The following UNC13C variants were observed in gnomAD, a reference collection of about 807,000 sequenced individuals.
UNC13C encodes unc-13 homolog C.
Under a neutral mutation model 245.4 loss-of-function variants are expected in UNC13C, and 174 were observed. That is an observed-to-expected ratio of 0.71 (90% confidence interval 0.63 to 0.80). The LOEUF is 0.80. Among genes scored for constraint, UNC13C ranks in the 30% least tolerant of loss-of-function variants. The pLI is 0.00. For synonymous variants in UNC13C, 992 were observed against 895.1 expected (o/e 1.11, Z -1.93); for missense variants, 2,829 against 2,602.9 (o/e 1.09, Z -1.89).
At chr15:54,527,647 A>C (rs1008944191) in intron 25 of UNC13C, among the ~76,000 whole-genome samples, 1 of 152,200 alleles carries the variant, frequency 6.6e-6, no homozygotes, top group African/African-American at 2.4e-5. Context: ...TAGTATCCTT[A>C]GGAGGACACT....
intron 17 of UNC13C, among the ~76,000 whole-genome samples, chr15:54,356,441 C>T (rs2039097044): frequency 6.6e-6 from 1 of 152,032 alleles, no homozygotes; most frequent in Non-Finnish European, 1.5e-5. Flanking sequence ...ACAAAAATAC[C>T]TTAGACTGGG....
intron 4 of UNC13C, among the ~76,000 whole-genome samples, chr15:54,172,551 A>G (rs958796730): frequency 1.5e-4 from 22 of 151,446 alleles, no homozygotes; most frequent in Admixed American, 3.3e-4. Context: ...TGTATAAATT[A>G]TACCACAGGT....
intron 10 of UNC13C, among the ~76,000 whole-genome samples, chr15:54,284,638 C>G (rs1225685248): frequency 6.6e-6 from 1 of 152,030 alleles, no homozygotes; most frequent in Admixed American, 6.6e-5. Context: ...CACACACACA[C>G]ACACACACTT....
At chr15:54,152,722 A>C (rs2032575002) in intron 4 of UNC13C, among the ~76,000 whole-genome samples, 1 of 152,208 alleles carries the variant, frequency 6.6e-6, no homozygotes. Flanking sequence ...ATTAGCTGGG[A>C]AACACTGAAA....
chr15:54,137,497 T>C (rs973637090), intron 2 of UNC13C, among the ~76,000 whole-genome samples: 1 of 152,188 alleles, frequency 6.6e-6, no homozygotes, highest in East Asian at 1.9e-4. Context: ...ACTTCCATGT[T>C]GTTACTCATT....
chr15:54,142,429 C>T (rs1295749958), intron 2 of UNC13C, among the ~76,000 whole-genome samples: 1 of 152,188 alleles, frequency 6.6e-6, no homozygotes, highest in Non-Finnish European at 1.5e-5. Flanking sequence ...AGTCACTTAA[C>T]CTCTTTAGGC....
chr15:54,063,173 A>G (rs974588498), intron 2 of UNC13C, among the ~76,000 whole-genome samples: 8 of 152,216 alleles, frequency 5.3e-5, no homozygotes, highest in African/African-American at 1.2e-4. Context: ...ACATTCCAGA[A>G]TATGTTAAAG....
intron 19 of UNC13C, among the ~76,000 whole-genome samples, chr15:54,461,277 G>A (rs1891830465): frequency 6.6e-6 from 1 of 152,084 alleles, no homozygotes; most frequent in Non-Finnish European, 1.5e-5. Flanking sequence ...ACACTCAAGG[G>A]AAATGCTCAC....
At chr15:54,234,067 A>T (rs1472250616) in intron 4 of UNC13C, among the ~76,000 whole-genome samples, 2 of 152,184 alleles carry the variant, frequency 1.3e-5, no homozygotes, top group African/African-American at 4.8e-5. Flanking sequence ...AAAATAATAC[A>T]TGCCTATTTA....
At chr15:54,619,245 A>C (rs1387198744) in intron 30 of UNC13C, among the ~76,000 whole-genome samples, 2 of 150,582 alleles carry the variant, frequency 1.3e-5, no homozygotes, top group Non-Finnish European at 2.9e-5. Context: ...TTACGTTAAT[A>C]AGCCCAACTT....
intron 4 of UNC13C, among the ~76,000 whole-genome samples, chr15:54,161,137 C>T (rs1010776129): frequency 1.3e-5 from 2 of 152,076 alleles, no homozygotes; most frequent in Non-Finnish European, 2.9e-5. Flanking sequence ...CTTGCTCTGT[C>T]ATGCAGGCTG....
intron 17 of UNC13C, among the ~76,000 whole-genome samples, chr15:54,342,056 C>G (rs1322537349): frequency 6.6e-6 from 1 of 151,810 alleles, no homozygotes; most frequent in Non-Finnish European, 1.5e-5. Flanking sequence ...GAGATGGACA[C>G]TATTCTAATA....
At chr15:53,946,964 T>C in the UNC13C span, among the ~76,000 whole-genome samples, 3 of 152,146 alleles carry the variant, frequency 2.0e-5, no homozygotes, top group Non-Finnish European at 4.4e-5. Context: ...TTTTAAAAAG[T>C]CATTAACACA....
intron 10 of UNC13C, among the ~76,000 whole-genome samples, chr15:54,267,726 T>C (rs1210614164): frequency 6.6e-6 from 1 of 152,098 alleles, no homozygotes; most frequent in Non-Finnish European, 1.5e-5. Flanking sequence ...AATTGGTTTA[T>C]GATTTCACAT....
intron 2 of UNC13C, among the ~76,000 whole-genome samples, chr15:54,042,202 A>G (rs1180484288): frequency 6.6e-6 from 1 of 152,218 alleles, no homozygotes; most frequent in Non-Finnish European, 1.5e-5. Context: ...AATACTTCAG[A>G]ATCAGGTTTT....
Position 54,532,936 on chromosome 15 carries a change from G to C in UNC13C, c.5566G>C (p.Glu1856Gln), listed in dbSNP as rs372543707. The C allele has an allele frequency of 1.9e-6, 3 of 1,559,930 alleles. No individual in the cohort carries two copies. Among genetic ancestry groups the C allele is most frequent in the East Asian group, 2.3e-5 (1 of 43,570 alleles). ...TTTTAGTTTCCAGGTTATAATTGAA[G>C]AGTGTATAAAACAGATGAGTTTCGA... ...YGESFQVIIEECIKQMSFELN... is the reference protein window; with the variant it reads ...YGESFQVIIEQCIKQMSFELN... The change falls in exon 26 of 33, where the codon GAG becomes CAG. Residue 1856 changes from glutamate (E) to glutamine (Q), a missense_variant. Physicochemically the swap from Glu to Gln is conservative, Grantham distance 29. Coordinates refer to ENST00000260323, the MANE Select transcript of UNC13C (RefSeq NM_001080534.3).
chr15:54,595,459 A>T lies in UNC13C; in HGVS notation c.6107-26868A>T, dbSNP rs542021988. Among the ~76,000 whole-genome samples the T allele has an allele frequency of 2.0e-5, 3 of 152,200 alleles. No homozygotes were observed. In the South Asian group the frequency reaches 6.2e-4, roughly 32 times the overall value. On this transcript the variant is annotated intron_variant, in intron 30 of 32. Transcript: ENST00000260323. The stretch of plus-strand genomic sequence containing the variant: ...CCGGTCCCTGCAGCCGCCTTCCTTC[A>T]GGGGGTCTGTGGTTCCTCTCAGGAT...
intron 10 of UNC13C, among the ~76,000 whole-genome samples, chr15:54,278,937 ATCAAATTGGGTTGT>A (rs2036905863): frequency 6.6e-6 from 1 of 152,194 alleles, no homozygotes; most frequent in African/African-American, 2.4e-5. Flanking sequence ...CTTATGTTTG[ATCAAATTGGGTTGT>A]TTTATGTTTT....
chr15:54,410,823 T>C (rs555183232), intron 18 of UNC13C, among the ~76,000 whole-genome samples: 1 of 152,330 alleles, frequency 6.6e-6, no homozygotes, highest in African/African-American at 2.4e-5. Context: ...TTTCTTAAGA[T>C]TATTTTGTAT....
Sources: gnomAD v4.1 joint callset for allele counts (sites outside exome capture counted in the v4.1 genomes callset) on GRCh38, gnomAD v4.1.1 for gene constraint, MANE v1.5 for transcripts, NCBI Gene and HGNC (gene_info 2026-07-23, HGNC 2026-07-21) for gene names.